The following ZSWIM5 variants were observed in gnomAD, a reference collection of about 807,000 sequenced individuals.
ZSWIM5 encodes the protein zinc finger SWIM domain-containing protein 5.
ZSWIM5 carries 55 observed loss-of-function variants against 119.6 expected under a neutral mutation model. The ratio of observed to expected loss-of-function variants is 0.46; its 90% CI spans 0.37 to 0.58. The LOEUF (loss-of-function observed/expected upper bound fraction) is 0.58. ZSWIM5 is among the 20% of genes least tolerant of loss of function. The probability of loss-of-function intolerance (pLI) is 0.00; values close to 1 mark genes in which losing one functional copy is unlikely to be tolerated. For synonymous variants in ZSWIM5, 537 were observed against 606.9 expected (o/e 0.88, Z 1.69); for missense variants, 1,193 against 1,512.8 (o/e 0.79, Z 3.51).
intron 2 of ZSWIM5, among the ~76,000 whole-genome samples, chr1:45,080,651 C>G (rs975609756): frequency 1.3e-5 from 2 of 151,750 alleles, no homozygotes. Flanking sequence ...GTAGATGGTT[C>G]TTAGATTGGT....
intron 1 of ZSWIM5, among the ~76,000 whole-genome samples, chr1:45,166,866 G>A (rs569614639): frequency 2.0e-5 from 3 of 152,228 alleles, no homozygotes; most frequent in African/African-American, 7.2e-5. Context: ...TGGATAGGAA[G>A]AATAAATATT....
Position 45,095,741 on chromosome 1 carries a change from A to T in ZSWIM5, c.596-7504T>A, listed in dbSNP as rs540365165. Among the ~76,000 whole-genome samples, 3 of 152,274 alleles carry T rather than the reference A, an allele frequency of 2.0e-5. No individual in the cohort carries two copies. In the East Asian group the frequency reaches 5.8e-4, roughly 29 times the overall value. On this transcript the variant is annotated intron_variant, in intron 1 of 13. Coordinates refer to ENST00000359600, the MANE Select transcript of ZSWIM5 (RefSeq NM_020883.2). ...TTTTGACCTGATCTCTCCCTTACAA[A>T]GTTCCTTGTCAGCTTTTCACCTAAT...
At chr1:45,042,934 G>A (rs941477909) in intron 6 of ZSWIM5, among the ~76,000 whole-genome samples, 1 of 152,146 alleles carries the variant, frequency 6.6e-6, no homozygotes, top group African/African-American at 2.4e-5. Flanking sequence ...GTGAACTGAG[G>A]CCTAATTGCT....
At chr1:45,081,438 G>C (rs1216685957) in intron 2 of ZSWIM5, among the ~76,000 whole-genome samples, 6 of 152,216 alleles carry the variant, frequency 3.9e-5, no homozygotes, top group Admixed American at 2.0e-4. Flanking sequence ...AGCCTGCGGA[G>C]TGCCTGCAAT....
chr1:45,047,137 T>C (rs894621832), intron 5 of ZSWIM5, among the ~76,000 whole-genome samples: 1 of 151,816 alleles, frequency 6.6e-6, no homozygotes, highest in Non-Finnish European at 1.5e-5. Context: ...GAACGGTCAA[T>C]GAACTGAGAA....
intron 2 of ZSWIM5, among the ~76,000 whole-genome samples, chr1:45,075,219 G>C (rs1645249172): frequency 6.6e-6 from 1 of 151,966 alleles, no homozygotes. Context: ...ATATCTATTA[G>C]TTGCATTTGG....
chr1:45,082,319 T>C (rs1000854737), intron 2 of ZSWIM5, among the ~76,000 whole-genome samples: 5 of 134,928 alleles, frequency 3.7e-5, no homozygotes, highest in African/African-American at 1.5e-4. Context: ...CCAAGAATGA[T>C]CAATTAAAAA....
At chr1:45,024,187 C>A (rs1001006105) in intron 11 of ZSWIM5, among the ~76,000 whole-genome samples, 1 of 104,032 alleles carries the variant, frequency 9.6e-6, no homozygotes, top group African/African-American at 3.2e-5. Flanking sequence ...TCTTTCTTTT[C>A]TTTTCTTTTT....
At chr1:45,142,045 C>T (rs940683079) in intron 1 of ZSWIM5, among the ~76,000 whole-genome samples, 1 of 151,970 alleles carries the variant, frequency 6.6e-6, no homozygotes, top group Non-Finnish European at 1.5e-5. Context: ...TTCATCTCTA[C>T]AAAAACATGC....
At chr1:45,189,783 T>C (rs1646080464) in intron 1 of ZSWIM5, among the ~76,000 whole-genome samples, 1 of 151,900 alleles carries the variant, frequency 6.6e-6, no homozygotes, top group South Asian at 2.1e-4. Context: ...AAAAACAACC[T>C]ACATAATTAC....
chr1:45,038,677 A>C (rs1448726037), intron 8 of ZSWIM5, among the ~76,000 whole-genome samples: 1 of 125,300 alleles, frequency 8.0e-6, no homozygotes, highest in African/African-American at 3.0e-5. Context: ...TGTGATCTTG[A>C]CTCACTGCAG....
intron 1 of ZSWIM5, among the ~76,000 whole-genome samples, chr1:45,113,902 G>T (rs1233608550): frequency 6.6e-6 from 1 of 152,156 alleles, no homozygotes; most frequent in Non-Finnish European, 1.5e-5. Flanking sequence ...ATCACTTAAT[G>T]TTGAACCTTG....
At chr1:45,030,294 C>A (rs1278065855) in intron 11 of ZSWIM5, among the ~76,000 whole-genome samples, 1 of 152,148 alleles carries the variant, frequency 6.6e-6, no homozygotes, top group East Asian at 1.9e-4. Context: ...GTCGCCCAGG[C>A]TGGAGTGCAG....
intron 1 of ZSWIM5, among the ~76,000 whole-genome samples, chr1:45,157,825 T>C (rs1645839497): frequency 6.6e-6 from 1 of 152,212 alleles, no homozygotes; most frequent in Non-Finnish European, 1.5e-5. Context: ...ATGCTCTATG[T>C]CTTGATGGAC....
At chr1:45,084,258 G>A (rs1403509030) in intron 2 of ZSWIM5, among the ~76,000 whole-genome samples, 1 of 152,068 alleles carries the variant, frequency 6.6e-6, no homozygotes, top group Non-Finnish European at 1.5e-5. Flanking sequence ...TCACTATCAT[G>A]AGAACAGCAA....
At chr1:45,122,064 C>T (rs1025545716) in intron 1 of ZSWIM5, among the ~76,000 whole-genome samples, 1 of 152,140 alleles carries the variant, frequency 6.6e-6, no homozygotes, top group African/African-American at 2.4e-5. Flanking sequence ...ATCTATAGTA[C>T]ACAATTAATT....
chr1:45,151,691 A>C (rs1380921577), intron 1 of ZSWIM5, among the ~76,000 whole-genome samples: 1 of 152,318 alleles, frequency 6.6e-6, no homozygotes, highest in East Asian at 1.9e-4. Flanking sequence ...TTAGGTAAGC[A>C]AAGAAGGGTA....
intron 1 of ZSWIM5, among the ~76,000 whole-genome samples, chr1:45,168,346 C>G (rs559375024): frequency 6.6e-5 from 10 of 151,102 alleles, no homozygotes; most frequent in African/African-American, 2.4e-4. Flanking sequence ...AGTGGGGAGG[C>G]GGGAGGGATA....
At chr1:45,049,104 G>A (rs974525174) in intron 5 of ZSWIM5, among the ~76,000 whole-genome samples, 7 of 152,108 alleles carry the variant, frequency 4.6e-5, no homozygotes, top group Admixed American at 2.0e-4. Context: ...TCACTCTAGC[G>A]TGGGTGACAC....
Sources: gnomAD v4.1 joint callset for allele counts (sites outside exome capture counted in the v4.1 genomes callset) on GRCh38, gnomAD v4.1.1 for gene constraint, MANE v1.5 for transcripts, NCBI Gene and HGNC (gene_info 2026-07-23, HGNC 2026-07-21) for gene names.